SLC1A7: variants seen among roughly 807,000 people sequenced by gnomAD.
SLC1A7 encodes excitatory amino acid transporter 5.
SLC1A7 carries 40 observed loss-of-function variants against 47.7 expected under a neutral mutation model. The ratio of observed to expected loss-of-function variants is 0.84; its 90% CI spans 0.65 to 1.09. The LOEUF (loss-of-function observed/expected upper bound fraction) is 1.09. Among genes scored for constraint, SLC1A7 ranks in the 50% least tolerant of loss-of-function variants. SLC1A7 has a pLI of 0.00. For synonymous variants in SLC1A7, 323 were observed against 325.6 expected (o/e 0.99, Z 0.09); for missense variants, 746 against 769.5 (o/e 0.97, Z 0.36).
At chr1:53,139,697 T>C (rs1040989896) in intron 1 of SLC1A7, among the ~76,000 whole-genome samples, 9 of 152,346 alleles carry the variant, frequency 5.9e-5, no homozygotes, top group Admixed American at 1.3e-4. Flanking sequence ...TCCAGCTTTC[T>C]GTGAATGAGG....
At position 53,101,126 on chromosome 1, in the gene SLC1A7, C is replaced by T. The variant is rs577631256; in HGVS notation, c.697+2220G>A. Among the ~76,000 whole-genome samples the T allele has an allele frequency of 7.3e-5, 11 of 151,136 alleles. No individual in the cohort carries two copies. In the South Asian group the frequency reaches 8.4e-4, roughly 12 times the overall value. ...ACCTCGTTACACTCACACACACTGC[C>T]GCAGTACACTCACACACCCCGCCTC... On this transcript the variant is annotated intron_variant, in intron 5 of 10. Transcript: ENST00000371494.
At chr1:53,096,803 G>T (rs1158530484) in intron 5 of SLC1A7, among the ~76,000 whole-genome samples, 1 of 147,394 alleles carries the variant, frequency 6.8e-6, no homozygotes, top group Non-Finnish European at 1.5e-5. Flanking sequence ...GACACACCCT[G>T]CCTCAATACA....
intron 5 of SLC1A7, among the ~76,000 whole-genome samples, chr1:53,101,190 A>G (rs1383158117): frequency 7.3e-6 from 1 of 137,516 alleles, no homozygotes; most frequent in African/African-American, 2.8e-5. Context: ...ACTCACACAA[A>G]TCGTCTTGGT....
chr1:53,090,745 T>C lies in SLC1A7; in HGVS notation c.1093A>G (p.Ile365Val). The change falls in exon 8 of 11, where the codon ATC becomes GTC. Residue 365 changes from isoleucine (I) to valine (V), a missense_variant. Physicochemically the swap from Ile to Val is conservative, Grantham distance 29. Coordinates refer to ENST00000371494, the MANE Select transcript of SLC1A7 (RefSeq NM_006671.6). ...CCCACGGGCAGCACGAAGCGAGCGA[T>C]GCGCCGGTCGATGTGGTTGTTCTCC... ...LLENNHIDRR[I>V]ARFVLPVGAT... is the part of the protein sequence containing the mutation. 3 of 1,613,780 alleles carry C rather than the reference T, an allele frequency of 1.9e-6. No individual in the cohort carries two copies. Among genetic ancestry groups the C allele is most frequent in the Non-Finnish European group, 2.5e-6 (3 of 1,179,918 alleles).
At chr1:53,110,614 G>A (rs950226563) in intron 3 of SLC1A7, among the ~76,000 whole-genome samples, 5 of 152,282 alleles carry the variant, frequency 3.3e-5, no homozygotes, top group African/African-American at 1.2e-4. Flanking sequence ...AGGCAGCACC[G>A]ATACCTCCTT....
intron 5 of SLC1A7, among the ~76,000 whole-genome samples, chr1:53,101,825 ACT>A (rs1403714966): frequency 2.8e-5 from 4 of 142,282 alleles, no homozygotes; most frequent in Non-Finnish European, 4.5e-5. Flanking sequence ...GCCTCGGTAC[ACT>A]CACACGCACA....
In SLC1A7 at chr1:53,133,930, G is replaced by A. The variant is rs114822739; in HGVS notation, c.215+420C>T. Among the ~76,000 whole-genome samples, 899 of 152,260 alleles carry A rather than the reference G, an allele frequency of 5.9e-3. 10 individuals carry two copies. The highest frequency in any genetic ancestry group is 0.021 in the African/African-American group (864 of 41,534). On this transcript the variant is annotated intron_variant, in intron 2 of 10. Transcript: ENST00000371494. ...ATTTTACAGATGAGGAAACTGAGGC[G>A]TAGAGAGGTGAGGTAATATGTCCAA...
At chr1:53,142,167 C>T in intron 1 of SLC1A7, 148 bp downstream of exon 1, 1 of 875,286 alleles carries the variant, frequency 1.1e-6, no homozygotes, top group Non-Finnish European at 1.7e-6. Flanking sequence ...ACCCATGTTA[C>T]AGATGAGAAA....
intron 5 of SLC1A7, among the ~76,000 whole-genome samples, chr1:53,096,392 C>A (rs1644491074): frequency 6.6e-6 from 1 of 150,424 alleles, no homozygotes; most frequent in African/African-American, 2.5e-5. Flanking sequence ...CGCCTAGGTA[C>A]ACTCACACGC....
chr1:53,130,843 C>T (rs541567378), intron 2 of SLC1A7, among the ~76,000 whole-genome samples: 3 of 152,162 alleles, frequency 2.0e-5, no homozygotes, highest in African/African-American at 7.2e-5. Flanking sequence ...GCAGGGACAC[C>T]CAGCCCTGGG....
At chr1:53,133,803 G>A (rs1010351464) in intron 2 of SLC1A7, among the ~76,000 whole-genome samples, 3 of 151,894 alleles carry the variant, frequency 2.0e-5, no homozygotes, top group Non-Finnish European at 4.4e-5. Context: ...AATTCATCTC[G>A]CACCATCCCG....
chr1:53,130,990 C>CG (rs1644936924), intron 2 of SLC1A7, among the ~76,000 whole-genome samples: 1 of 152,170 alleles, frequency 6.6e-6, no homozygotes, highest in African/African-American at 2.4e-5. Flanking sequence ...ATATCTCCCC[C>CG]CTGAAGGTTT....
At chr1:53,093,417 A>T in intron 6 of SLC1A7, 44 bp downstream of exon 6, 1 of 1,473,550 alleles carries the variant, frequency 6.8e-7, no homozygotes, top group Non-Finnish European at 9.3e-7. Context: ...CCCTCCATCC[A>T]CCCAGGGCTG....
intron 2 of SLC1A7, among the ~76,000 whole-genome samples, chr1:53,132,473 T>C (rs533024961): frequency 6.6e-6 from 1 of 152,146 alleles, no homozygotes; most frequent in East Asian, 1.9e-4. Flanking sequence ...ACCTGGGTGA[T>C]GGAGCTGCCA....
chr1:53,128,237 G>A (rs1011633587), intron 2 of SLC1A7, among the ~76,000 whole-genome samples: 1 of 152,170 alleles, frequency 6.6e-6, no homozygotes, highest in African/African-American at 2.4e-5. Context: ...CACTTTGAGA[G>A]GCCAAGGCAG....
chr1:53,111,086 G>A (rs559776738), intron 3 of SLC1A7, among the ~76,000 whole-genome samples: 3 of 152,272 alleles, frequency 2.0e-5, no homozygotes, highest in South Asian at 2.1e-4. Context: ...AAAGAAACAC[G>A]TAGATATGAT....
chr1:53,134,565 A>T (rs1394017736), intron 1 of SLC1A7, 136 bp from the exon 2 acceptor site: 6 of 541,548 alleles, frequency 1.1e-5, no homozygotes, highest in Non-Finnish European at 2.0e-5. Context: ...TGGAGAAAGA[A>T]CTGGCTTTGG....
At chr1:53,115,669 A>T (rs1644752003) in intron 2 of SLC1A7, 1 of 152,534 alleles carries the variant, frequency 6.6e-6, no homozygotes, top group South Asian at 2.1e-4. Context: ...CAAGCAAGTC[A>T]CTTCCCCATC....
At chr1:53,093,236 G>C (rs1644445725) in intron 6 of SLC1A7, among the ~76,000 whole-genome samples, 1 of 152,186 alleles carries the variant, frequency 6.6e-6, no homozygotes, top group Non-Finnish European at 1.5e-5. Context: ...AGCAGAGCCG[G>C]GCAGAGCTCT....
Sources: gnomAD v4.1 joint callset for allele counts (sites outside exome capture counted in the v4.1 genomes callset) on GRCh38, gnomAD v4.1.1 for gene constraint, MANE v1.5 for transcripts, NCBI Gene and HGNC (gene_info 2026-07-23, HGNC 2026-07-21) for gene names.